FAM149A: variants seen among roughly 807,000 people sequenced by gnomAD.
FAM149A encodes family with sequence similarity 149 member A.
FAM149A carries 71 observed loss-of-function variants against 78.2 expected under a neutral mutation model. That is an observed-to-expected ratio of 0.91 (90% CI 0.75 to 1.11). The LOEUF (loss-of-function observed/expected upper bound fraction) is 1.11. FAM149A is among the 50% of genes least tolerant of loss of function. FAM149A has a pLI of 0.00. For missense variants in FAM149A, 1,036 were observed against 971.0 expected (o/e 1.07, Z -0.89); for synonymous variants, 446 against 410.5 (o/e 1.09, Z -1.04).
chr4:186,109,395 G>C, intron 1 of FAM149A: 1 of 821,094 alleles, frequency 1.2e-6, no homozygotes, highest in Non-Finnish European at 1.5e-6. Flanking sequence ...GGGCCTGTCA[G>C]CATGGCTGGC....
At chr4:186,158,502 A>G in intron 8 of FAM149A, 1 of 1,043,024 alleles carries the variant, frequency 9.6e-7, no homozygotes, top group Non-Finnish European at 1.2e-6. Context: ...GAGACCCTGA[A>G]GAGATTGAGG....
At chr4:186,150,504 C>T (rs1230239362) in intron 3 of FAM149A, among the ~76,000 whole-genome samples, 1 of 135,512 alleles carries the variant, frequency 7.4e-6, no homozygotes, top group Non-Finnish European at 1.6e-5. Context: ...ACTGCAAGCT[C>T]CGCCTCCCGG....
chr4:186,171,574 G>C (rs1382212466), intron 13 of FAM149A, among the ~76,000 whole-genome samples: 1 of 151,974 alleles, frequency 6.6e-6, no homozygotes, highest in Non-Finnish European at 1.5e-5. Context: ...AAAGTACCTG[G>C]CATTGCACCT....
chr4:186,161,052 T>G (rs1554071421), intron 8 of FAM149A, among the ~76,000 whole-genome samples: 1 of 152,232 alleles, frequency 6.6e-6, no homozygotes, highest in Admixed American at 6.5e-5. Context: ...CAGATGCTAA[T>G]TATATATTAA....
Position 186,154,722 on chromosome 4 carries a change from G to A in FAM149A, c.1229+84G>A, listed in dbSNP as rs546651540. On this transcript the variant is annotated intron_variant, in intron 6 of 13. Coordinates refer to ENST00000389354, the MANE Select transcript of FAM149A (RefSeq NM_001367768.3). ...TATTGTTATCGTATGCTCATTAAGT[G>A]TTTTGTGTATTTTTTACTCACCCAA... 2.7e-5 allele frequency: 40 copies of A among 1,455,438 alleles called. No individual in the cohort carries two copies. The African/African-American group carries it at 4.6e-4, about 17-fold the overall frequency. The allele number at this position is 1,455,438 out of a possible 1,614,324, so 90.2% of individuals were successfully genotyped here. A position where few individuals can be genotyped will look rare whatever the true frequency, so the allele number is the denominator to read the frequency against.
Position 186,128,039 on chromosome 4 carries a change from G to C in FAM149A, c.567-21134G>C, listed in dbSNP as rs559170033. Among the ~76,000 whole-genome samples the C allele has an allele frequency of 8.5e-5, 11 of 129,200 alleles. No homozygotes were observed. In the East Asian group the frequency reaches 1.9e-3, roughly 22 times the overall value. The allele number at this position is 129,200 out of a possible 152,430, so 84.8% of individuals were successfully genotyped here. A position where few individuals can be genotyped will look rare whatever the true frequency, so the allele number is the denominator to read the frequency against. ...GAGTTTCACTTTTGTTGCCCAGGCT[G>C]GAGTGCAATGGTACGATTTCAGCTC... On this transcript the variant is annotated intron_variant, in intron 1 of 13. Coordinates refer to ENST00000389354, the MANE Select transcript of FAM149A (RefSeq NM_001367768.3).
In FAM149A at chr4:186,152,013, C is replaced by T. The variant is rs372841067; in HGVS notation, c.900C>T (p.Cys300=). 15 of 1,613,856 alleles carry T rather than the reference C, an allele frequency of 9.3e-6. No homozygotes were observed. Among genetic ancestry groups the T allele is most frequent in the South Asian group, 5.5e-5 (5 of 91,064 alleles). ...AGACCCAGAGTCTGCTGGCCGAATGCGGGGAGTGGACAAGAAGATCCCTCC... is the reference window on the plus strand; with the variant it reads ...AGACCCAGAGTCTGCTGGCCGAATGTGGGGAGTGGACAAGAAGATCCCTCC... The change falls in exon 4 of 14, where the codon TGC becomes TGT. Residue 300 remains cysteine (C), a synonymous_variant. Transcript: ENST00000389354.
chr4:186,117,751 A>C (rs1453740070), intron 1 of FAM149A: 2 of 862,082 alleles, frequency 2.3e-6, no homozygotes, highest in Non-Finnish European at 2.8e-6. Flanking sequence ...AGCAGGCTGC[A>C]CTTTAGGAGG....
At chr4:186,134,765 G>T (rs1042981929) in intron 1 of FAM149A, among the ~76,000 whole-genome samples, 1 of 151,568 alleles carries the variant, frequency 6.6e-6, no homozygotes, top group East Asian at 2.0e-4. Flanking sequence ...CTGGATTCTG[G>T]TCCCTGGCCT....
intron 1 of FAM149A, chr4:186,122,678 A>G (rs1368763888): frequency 5.7e-6 from 1 of 175,746 alleles, no homozygotes; most frequent in Non-Finnish European, 1.1e-5. Flanking sequence ...TGTTATAGTA[A>G]GAAGTTGGAA....
chr4:186,115,199 C>T (rs1227151516), intron 1 of FAM149A, among the ~76,000 whole-genome samples: 2 of 61,252 alleles, frequency 3.3e-5, no homozygotes, highest in African/African-American at 1.2e-4. Context: ...GCTCCTGAGG[C>T]GTCTGCATTC....
chr4:186,124,253 T>A, intron 1 of FAM149A: 1 of 964,790 alleles, frequency 1.0e-6, no homozygotes, highest in Non-Finnish European at 1.2e-6. Flanking sequence ...TTTTTTGGGT[T>A]AATTTTTCTT....
At chr4:186,109,139 G>C in intron 1 of FAM149A, 1 of 985,058 alleles carries the variant, frequency 1.0e-6, no homozygotes, top group Non-Finnish European at 1.2e-6. Flanking sequence ...GAGCCACCGC[G>C]CCCGGCCGGT....
Position 186,144,760 on chromosome 4 carries a change from G to C in FAM149A, c.567-4413G>C, listed in dbSNP as rs1334406397. The C allele has an allele frequency of 1.5e-4, 137 of 939,992 alleles. 1 individual carries two copies. Among genetic ancestry groups the C allele is most frequent in the Non-Finnish European group, 1.5e-4 (116 of 788,336 alleles). 58.2% of individuals were successfully genotyped at this position (939,992 alleles called of 1,614,324 possible). On this transcript the variant is annotated intron_variant, in intron 1 of 13. Transcript: ENST00000389354. This position sits in a 1 kb window ranked among gnomAD's most constrained non-coding sequence, Gnocchi z 4.2. ...CGGGGCCGGGGCCCGGAGCGGGGAT[G>C]GGCGGGCGCAGCCGGGATTAGCTGG...
At position 186,173,570 on chromosome 4, in the gene FAM149A, C is replaced by T. The variant is rs1161569782; in HGVS notation, c.*1583C>T. ...CAGGGTTTCACCATGTTAGCCAGGC[C>T]GGTGTTGAACTCCTGACCTCAGGTG... On this transcript the variant is annotated 3_prime_UTR_variant, in exon 14 of 14. Transcript: ENST00000389354. Among the ~76,000 whole-genome samples the T allele has an allele frequency of 9.1e-6, 1 of 110,434 alleles. No individual in the cohort carries two copies. Among genetic ancestry groups the T allele is most frequent in the South Asian group, 2.8e-4 (1 of 3,552 alleles). The allele number at this position is 110,434 out of a possible 152,430, so 72.4% of individuals were successfully genotyped here.
At chr4:186,167,837 TCCAC>T (rs1263301372) in intron 13 of FAM149A, among the ~76,000 whole-genome samples, 1 of 152,150 alleles carries the variant, frequency 6.6e-6, no homozygotes, top group African/African-American at 2.4e-5. Flanking sequence ...ACGTTGGATT[TCCAC>T]CCTCGCTCTG....
intron 8 of FAM149A, among the ~76,000 whole-genome samples, chr4:186,161,543 TA>T (rs772166833): frequency 2.0e-5 from 3 of 151,870 alleles, no homozygotes; most frequent in Admixed American, 1.3e-4. Context: ...ATTTCCCACT[TA>T]AAAAAAATAG....
chr4:186,124,986 G>A (rs2099317700), intron 1 of FAM149A, among the ~76,000 whole-genome samples: 1 of 152,150 alleles, frequency 6.6e-6, no homozygotes, highest in Non-Finnish European at 1.5e-5. Flanking sequence ...TCTCGTTGTG[G>A]TTTTGATTTG....
intron 13 of FAM149A, among the ~76,000 whole-genome samples, chr4:186,171,658 G>C (rs567420695): frequency 2.4e-3 from 363 of 152,310 alleles, no homozygotes; most frequent in South Asian, 5.0e-3. Context: ...GCCTCTGCAT[G>C]GAAGCTTCTC....
Sources: allele counts gnomAD v4.1 joint callset (sites outside exome capture counted in the v4.1 genomes callset), GRCh38; gene constraint gnomAD v4.1.1; non-coding constraint Gnocchi (gnomAD v3.1); transcripts MANE v1.5; gene names NCBI Gene and HGNC (gene_info 2026-07-23, HGNC 2026-07-21).